Variants in GSE1 observed in about 807,000 individuals in gnomAD.
The protein encoded by GSE1 is Gse1 coiled-coil protein.
A neutral mutation model predicts 112.6 loss-of-function variants in GSE1; 32 were observed. The ratio of observed to expected loss-of-function variants is 0.28; its 90% CI spans 0.21 to 0.38. The LOEUF (loss-of-function observed/expected upper bound fraction) is 0.38, where lower values mean the gene tolerates loss of function less well. Ranked by LOEUF, GSE1 falls within the 10% of genes least tolerant of loss-of-function variation. The probability of loss-of-function intolerance (pLI) is 1.00; values close to 1 mark genes in which losing one functional copy is unlikely to be tolerated. For missense variants in GSE1, 2,348 were observed against 1,699.2 expected, an observed-to-expected ratio of 1.38 and a Z score of -6.71; for synonymous variants, 1,115 against 735.6, an observed-to-expected ratio of 1.52 and a Z score of -8.35.
At chr16:85,320,373 A>G (rs1355548972) in intron 1 of GSE1, among the ~76,000 whole-genome samples, 3 of 152,222 alleles carry the variant, frequency 2.0e-5, no homozygotes, top group Non-Finnish European at 4.4e-5. Context: ...GCAGACGCCC[A>G]GTTTTCACCT....
At chr16:85,647,385 A>C (rs2050963543) in intron 2 of GSE1, among the ~76,000 whole-genome samples, 1 of 152,194 alleles carries the variant, frequency 6.6e-6, no homozygotes, top group African/African-American at 2.4e-5. Context: ...GGTTGTAAAC[A>C]GCGAACCTAG....
At chr16:85,562,635 G>A (rs571840555) in intron 1 of GSE1, among the ~76,000 whole-genome samples, 1 of 152,258 alleles carries the variant, frequency 6.6e-6, no homozygotes, top group African/African-American at 2.4e-5. Flanking sequence ...GAGCCGGGAA[G>A]GGGAGGACGT....
rs61743093 is a variant in GSE1 at position 85,657,472 on chromosome 16, G to T, written c.1508G>T (p.Arg503Leu). 3.7e-6 allele frequency: 6 copies of T among 1,607,550 alleles called. No homozygotes were observed. In the South Asian group the frequency reaches 6.6e-5, roughly 18 times the overall value. ...GAGAAGTGGCTGGCGCGGCAGCGGC[G>T]GCTGCGGCAGGAGAAGGAGGACCGG... ...EEEKWLARQR[R>L]LRQEKEDRQS... Residue 503 changes from arginine (R) to leucine (L), a missense_variant, in exon 8 of 16, where the codon CGG becomes CTG. Physicochemically the swap from Arg to Leu is moderately radical, Grantham distance 102. Transcript: ENST00000253458.
chr16:85,329,086 T>A (rs1303257578), intron 1 of GSE1, among the ~76,000 whole-genome samples: 1 of 152,076 alleles, frequency 6.6e-6, no homozygotes, highest in Non-Finnish European at 1.5e-5. Flanking sequence ...TTCTAACACT[T>A]GAACTCTGCC....
At chr16:85,649,730 C>T (rs1311025546) in intron 3 of GSE1, among the ~76,000 whole-genome samples, 1 of 152,208 alleles carries the variant, frequency 6.6e-6, no homozygotes, top group East Asian at 1.9e-4. Flanking sequence ...GCTGAGTTCC[C>T]AGAGGGACAG....
intron 1 of GSE1, among the ~76,000 whole-genome samples, chr16:85,249,362 C>T (rs1226106465): frequency 2.0e-5 from 3 of 152,204 alleles, no homozygotes; most frequent in Admixed American, 6.5e-5. Context: ...ATGCTCACAG[C>T]GAGGACTGTG....
chr16:85,496,903 G>GTT (rs11421073), intron 2 of GSE1, among the ~76,000 whole-genome samples: 20 of 147,140 alleles, frequency 1.4e-4, no homozygotes, highest in South Asian at 6.4e-4. Context: ...GGTCTTTGTT[G>GTT]TTTTTTTTTT....
chr16:85,632,022 C>T (rs994225357), intron 1 of GSE1, among the ~76,000 whole-genome samples: 3 of 152,236 alleles, frequency 2.0e-5, no homozygotes, highest in Non-Finnish European at 4.4e-5. Flanking sequence ...GAGGACGGGC[C>T]CTCATTGGCA....
At chr16:85,555,034 G>C (rs2045130236), upstream of GSE1, 6 of 985,236 alleles carry the variant, frequency 6.1e-6, no homozygotes, top group African/African-American at 1.7e-5. Flanking sequence ...GGGGAAGCTC[G>C]CAAGTGAAAC....
chr16:85,461,413 C>A (rs1024722092), intron 2 of GSE1, among the ~76,000 whole-genome samples: 1 of 152,176 alleles, frequency 6.6e-6, no homozygotes, highest in Non-Finnish European at 1.5e-5. Flanking sequence ...ACCTTGGCTG[C>A]GCACTGGAAG....
At chr16:85,323,620 A>G (rs2046162852) in intron 1 of GSE1, among the ~76,000 whole-genome samples, 1 of 152,150 alleles carries the variant, frequency 6.6e-6, no homozygotes, top group Non-Finnish European at 1.5e-5. Flanking sequence ...GGAACCTGCC[A>G]ACTCTCAGAG....
chr16:85,609,096 G>A (rs938617849), upstream of GSE1, among the ~76,000 whole-genome samples: 9 of 152,208 alleles, frequency 5.9e-5, no homozygotes, highest in African/African-American at 1.7e-4. Flanking sequence ...AGCACCTGAC[G>A]TGGCCCAGGT....
intron 8 of GSE1, among the ~76,000 whole-genome samples, chr16:85,658,727 A>C (rs59688410): frequency 0.024 from 3,689 of 152,152 alleles, 180 homozygotes; most frequent in African/African-American, 0.085. Flanking sequence ...CTTGCCTACT[A>C]CCCAGAGGAC....
intron 2 of GSE1, among the ~76,000 whole-genome samples, chr16:85,516,851 G>A (rs569114527): frequency 7.5e-5 from 11 of 146,822 alleles, no homozygotes; most frequent in African/African-American, 2.5e-4. Context: ...AGGCTGGAGT[G>A]CAGTGGCGTG....
chr16:85,578,102 C>T (rs2046302458), intron 1 of GSE1, among the ~76,000 whole-genome samples: 1 of 152,226 alleles, frequency 6.6e-6, no homozygotes. Context: ...CCGGCCCCTC[C>T]CAGCTCTCCA....
At chr16:85,191,253 C>T (rs2074814031) in intron 1 of GSE1, among the ~76,000 whole-genome samples, 1 of 152,122 alleles carries the variant, frequency 6.6e-6, no homozygotes, top group Admixed American at 6.5e-5. Context: ...GAGCCAGAAT[C>T]CATCTCAACA....
chr16:85,210,303 A>G (rs2075202384), intron 1 of GSE1, among the ~76,000 whole-genome samples: 2 of 152,236 alleles, frequency 1.3e-5, no homozygotes, highest in Non-Finnish European at 2.9e-5. Context: ...AGGTGGAAAC[A>G]AAATCCAAAT....
At position 85,665,234 on chromosome 16, in the gene GSE1, T is replaced by C. The variant is rs116085066; in HGVS notation, c.2758+106T>C. The C allele has an allele frequency of 4.7e-3, 3,070 of 657,272 alleles. 65 individuals are homozygous for C. The African/African-American group carries it at 0.048, about 10-fold the overall frequency. 40.7% of individuals were successfully genotyped at this position (657,272 alleles called of 1,614,324 possible). A position where few individuals can be genotyped will look rare whatever the true frequency, so the allele number is the denominator to read the frequency against. ...CTTCATCATTGTGAATGTGGCCTCC[T>C]GCAGGCTGTCTTCTTCCATTCTTGT... On this transcript the variant is annotated intron_variant, in intron 12 of 15. Coordinates refer to ENST00000253458, the MANE Select transcript of GSE1 (RefSeq NM_014615.5).
chr16:85,480,567 C>A (rs2050641791), intron 2 of GSE1, among the ~76,000 whole-genome samples: 1 of 152,224 alleles, frequency 6.6e-6, no homozygotes, highest in South Asian at 2.1e-4. Context: ...CCCACCTTCC[C>A]CCGCCACCCA....
Sources: gnomAD v4.1 joint callset for allele counts (sites outside exome capture counted in the v4.1 genomes callset) on GRCh38, gnomAD v4.1.1 for gene constraint, MANE v1.5 for transcripts, NCBI Gene and HGNC (gene_info 2026-07-23, HGNC 2026-07-21) for gene names.